Variants in MYO6 observed in about 807,000 individuals in gnomAD.
MYO6 encodes the protein myosin VI.
Under a neutral mutation model 178.7 loss-of-function variants are expected in MYO6, and 74 were observed. The observed-to-expected ratio is 0.41, with a 90% CI of 0.34 to 0.50. MYO6 has a LOEUF of 0.50. Among genes scored for constraint, MYO6 ranks in the 20% least tolerant of loss-of-function variants. The pLI is 0.09. For synonymous variants in MYO6, 477 were observed against 504.6 expected (o/e 0.95, Z 0.73); for missense variants, 1,330 against 1,547.4 (o/e 0.86, Z 2.36).
In MYO6 at chr6:75,854,275, C is replaced by CTTTTTTTTTTTTTT. The variant is rs61398235; in HGVS notation, c.1079-845_1079-832dup. Among the ~76,000 whole-genome samples the CTTTTTTTTTTTTTT allele has an allele frequency of 6.6e-5, 3 of 45,498 alleles. 1 individual carries two copies. The highest frequency in any genetic ancestry group is 3.3e-4 in the African/African-American group (3 of 9,100). 29.8% of individuals were successfully genotyped at this position (45,498 alleles called of 152,430 possible). ...CATGGGTCAAGACCTAACTGCATTGCTTTTTTTTTTTTTTTTTTTTTTTTT... is the reference window on the plus strand; with the variant it reads ...CATGGGTCAAGACCTAACTGCATTGCTTTTTTTTTTTTTTTTTTTTTTTTTTTTTTTTTTTTTTT... On this transcript the variant is annotated intron_variant, in intron 11 of 34. Transcript: ENST00000369977.
rs1219797449 is a variant in MYO6 at position 75,840,658 on chromosome 6, T to C, written c.627T>C (p.Phe209=). 1.2e-6 allele frequency: 2 copies of C among 1,612,702 alleles called. No individual in the cohort carries two copies. Among genetic ancestry groups the C allele is most frequent in the Non-Finnish European group, 1.7e-6 (2 of 1,178,824 alleles). The change falls in exon 8 of 35, where the codon TTT becomes TTC. Residue 209 remains phenylalanine, a synonymous_variant. Coordinates refer to ENST00000369977, the MANE Select transcript of MYO6 (RefSeq NM_004999.4). ...ATAATAGCAGTCGATTTGGGAAATT[T>C]GTAGAAATACATTTTAATGAAAAGG... ...RNNNSSRFGK[F]VEIHFNEKSS... is the part of the protein sequence containing the mutation.
intron 30 of MYO6, among the ~76,000 whole-genome samples, chr6:75,906,272 C>G (rs1780312320): frequency 6.6e-6 from 1 of 152,176 alleles, no homozygotes; most frequent in African/African-American, 2.4e-5. Context: ...GCAGCTTATT[C>G]TGAGTGTCTG....
chr6:75,775,937 GA>G (rs1403262772), intron 1 of MYO6, among the ~76,000 whole-genome samples: 1 of 152,084 alleles, frequency 6.6e-6, no homozygotes, highest in Non-Finnish European at 1.5e-5. Context: ...TGTTTTCATG[GA>G]ATGTGTAGCG....
intron 30 of MYO6, 40 bp from the exon 31 acceptor site, chr6:75,907,565 G>C (rs1469896131): frequency 6.7e-7 from 1 of 1,489,614 alleles, no homozygotes. Flanking sequence ...TTTTCTTCAT[G>C]TTTCTGGTTT....
chr6:75,893,565 A>G (rs1171132842), intron 28 of MYO6, among the ~76,000 whole-genome samples: 4 of 152,120 alleles, frequency 2.6e-5, no homozygotes, highest in Non-Finnish European at 5.9e-5. Flanking sequence ...AATATTTGGC[A>G]AAAAAACAAA....
At chr6:75,749,521 C>T (rs1202738296) in intron 1 of MYO6, 98 bp downstream of exon 1, 3 of 152,212 alleles carry the variant, frequency 2.0e-5, no homozygotes, top group Non-Finnish European at 4.4e-5. Context: ...GCTCCGGGGC[C>T]GACGCTTCTG....
chr6:75,899,295 A>G (rs1779545668), intron 30 of MYO6, among the ~76,000 whole-genome samples: 1 of 152,174 alleles, frequency 6.6e-6, no homozygotes, highest in African/African-American at 2.4e-5. Context: ...CTAATACCTT[A>G]TATACATTCT....
intron 32 of MYO6, 55 bp from the exon 33 acceptor site, chr6:75,911,617 A>G: frequency 6.7e-7 from 1 of 1,488,166 alleles, no homozygotes; most frequent in Non-Finnish European, 9.4e-7. Context: ...AAAAATGCTC[A>G]TTTAACAGTT....
chr6:75,886,780 A>T (rs1194174976), intron 24 of MYO6, 64 bp from the exon 25 acceptor site: 1 of 1,494,838 alleles, frequency 6.7e-7, no homozygotes, highest in Non-Finnish European at 9.3e-7. Flanking sequence ...CATTTTATAA[A>T]TGAAAAATCT....
chr6:75,837,306 C>T (rs1165670928), intron 7 of MYO6, among the ~76,000 whole-genome samples: 1 of 152,166 alleles, frequency 6.6e-6, no homozygotes, highest in Non-Finnish European at 1.5e-5. Flanking sequence ...TGCTGAAGCT[C>T]ATATAGTTCA....
chr6:75,866,048 G>A (rs1776639358), intron 16 of MYO6, among the ~76,000 whole-genome samples: 1 of 151,638 alleles, frequency 6.6e-6, no homozygotes, highest in African/African-American at 2.4e-5. Context: ...TAATGTGTTG[G>A]CACATTACTC....
intron 2 of MYO6, among the ~76,000 whole-genome samples, chr6:75,822,010 T>C (rs1771925815): frequency 6.6e-6 from 1 of 152,212 alleles, no homozygotes; most frequent in South Asian, 2.1e-4. Flanking sequence ...AAATATATTT[T>C]ACTGAAACAA....
rs1366438579 is a variant in MYO6 at position 75,908,477 on chromosome 6, TGC to T, written c.3281-18_3281-17del. The T allele has an allele frequency of 3.1e-6, 5 of 1,610,088 alleles. No homozygotes were observed. Among genetic ancestry groups the T allele is most frequent in the Admixed American group, 1.7e-5 (1 of 59,672 alleles). ...AATTAACATGTCAATTTTTTTTTTT[TGC>T]TCAATGTAATCAATAGATATTGAGC... is the stretch of plus-strand genomic sequence containing the variant. On this transcript the variant is annotated splice_polypyrimidine_tract_variant and intron_variant, in intron 31 of 34. Transcript: ENST00000369977.
At chr6:75,827,037 G>A (rs1772547348) in intron 3 of MYO6, among the ~76,000 whole-genome samples, 1 of 152,232 alleles carries the variant, frequency 6.6e-6, no homozygotes, top group Non-Finnish European at 1.5e-5. Context: ...TTGGTTAGGT[G>A]TTGAATAGTA....
At chr6:75,758,587 A>C (rs905041582) in intron 1 of MYO6, among the ~76,000 whole-genome samples, 1 of 151,842 alleles carries the variant, frequency 6.6e-6, no homozygotes, top group Non-Finnish European at 1.5e-5. Context: ...CAGCCTCCCA[A>C]GTAGCTGGGA....
At chr6:75,752,027 G>A (rs1776942619) in intron 1 of MYO6, among the ~76,000 whole-genome samples, 1 of 144,196 alleles carries the variant, frequency 6.9e-6, no homozygotes, top group Admixed American at 7.0e-5. Flanking sequence ...ATGGAGTCTT[G>A]CCCTGTCATC....
chr6:75,889,501 G>A (rs1257965198), intron 25 of MYO6, among the ~76,000 whole-genome samples: 5 of 152,100 alleles, frequency 3.3e-5, no homozygotes, highest in Non-Finnish European at 5.9e-5. Context: ...TCCGCCTCCC[G>A]GGTTCAAGCA....
intron 30 of MYO6, among the ~76,000 whole-genome samples, chr6:75,904,712 C>T (rs1305295100): frequency 6.6e-6 from 1 of 152,164 alleles, no homozygotes; most frequent in African/African-American, 2.4e-5. Flanking sequence ...TCGTCTGAAG[C>T]CTTCTTCTCT....
chr6:75,884,722 T>G (rs1259685162), intron 23 of MYO6, among the ~76,000 whole-genome samples: 1 of 152,122 alleles, frequency 6.6e-6, no homozygotes, highest in Non-Finnish European at 1.5e-5. Context: ...AAAATTGAGT[T>G]TTTCTTGCTT....
Sources: gnomAD v4.1 joint callset for allele counts (sites outside exome capture counted in the v4.1 genomes callset) on GRCh38, gnomAD v4.1.1 for gene constraint, MANE v1.5 for transcripts, NCBI Gene and HGNC (gene_info 2026-07-23, HGNC 2026-07-21) for gene names.